DOCK1: variants seen among roughly 807,000 people sequenced by gnomAD.
DOCK1 encodes the protein dedicator of cytokinesis 1.
A neutral mutation model predicts 262.7 loss-of-function variants in DOCK1; 138 were observed. That is an observed-to-expected ratio of 0.53 (90% CI 0.46 to 0.61). The LOEUF is 0.61. Ranked by LOEUF, DOCK1 falls within the 20% of genes least tolerant of loss-of-function variation. The pLI is 0.00. For synonymous variants in DOCK1, 866 were observed against 867.4 expected (o/e 1.00, Z 0.03); for missense variants, 1,908 against 2,370.7 (o/e 0.80, Z 4.05).
intron 32 of DOCK1, among the ~76,000 whole-genome samples, chr10:127,356,755 T>C (rs1326866488): frequency 2.6e-5 from 4 of 152,128 alleles, no homozygotes; most frequent in Admixed American, 6.5e-5. Context: ...CCTGCCACAG[T>C]TGGGCTCTCA....
At position 127,374,220 on chromosome 10, in the gene DOCK1, T is replaced by A; in HGVS notation, c.3675+6T>A. 1 of 1,602,422 alleles carries A rather than the reference T, an allele frequency of 6.2e-7. No homozygotes were observed. The highest frequency in any genetic ancestry group is 8.5e-7 in the Non-Finnish European group (1 of 1,175,012). ...GCTGCACCGTCAATGTGCTGGTGAGTGAAAGCTTAATCACGTTTTTTCAGT... is the reference window on the plus strand; with the variant it reads ...GCTGCACCGTCAATGTGCTGGTGAGAGAAAGCTTAATCACGTTTTTTCAGT... On this transcript the variant is annotated splice_donor_region_variant and intron_variant, in intron 35 of 51. Transcript: ENST00000623213.
At chr10:127,286,781 A>G (rs2061168545) in intron 29 of DOCK1, among the ~76,000 whole-genome samples, 1 of 152,142 alleles carries the variant, frequency 6.6e-6, no homozygotes, top group Non-Finnish European at 1.5e-5. Context: ...CCAACTTAGT[A>G]TCTAAACAAG....
At chr10:127,421,917 G>A (rs2068534128) in intron 46 of DOCK1, among the ~76,000 whole-genome samples, 1 of 152,166 alleles carries the variant, frequency 6.6e-6, no homozygotes, top group African/African-American at 2.4e-5. Context: ...TGGCTGGTGT[G>A]AACAATGCTG....
chr10:126,906,283 C>A (rs2030802093), intron 1 of DOCK1, among the ~76,000 whole-genome samples: 1 of 152,170 alleles, frequency 6.6e-6, no homozygotes, highest in Non-Finnish European at 1.5e-5. Flanking sequence ...GTTTACATTT[C>A]GGACCCGAGT....
At chr10:127,000,104 TC>T (rs1462001017) in intron 9 of DOCK1, 67 bp from the exon 10 acceptor site, 11 of 1,571,292 alleles carry the variant, frequency 7.0e-6, no homozygotes, top group Non-Finnish European at 8.7e-6. Flanking sequence ...TTTTTTACTG[TC>T]CTTTTCATTG....
In DOCK1 at chr10:127,373,549, G is replaced by A. The variant is rs577577838; in HGVS notation, c.3433-232G>A. On this transcript the variant is annotated intron_variant, in intron 33 of 51. Transcript: ENST00000623213. ...TGGTTCTTGCTCCTGCTATCAGGAC[G>A]TGCAGGTTCAGGCTCCATTAACCAG... Among the ~76,000 whole-genome samples, 15 of 151,916 alleles carry A rather than the reference G, an allele frequency of 9.9e-5. No homozygotes were observed. In the East Asian group the frequency reaches 1.2e-3, roughly 12 times the overall value.
At chr10:127,286,616 C>T (rs992636452) in intron 29 of DOCK1, among the ~76,000 whole-genome samples, 12 of 152,136 alleles carry the variant, frequency 7.9e-5, no homozygotes, top group African/African-American at 2.9e-4. Context: ...TCTTTCTCAC[C>T]ATTATGTTGA....
chr10:127,429,949 C>A (rs573293652), intron 47 of DOCK1, among the ~76,000 whole-genome samples: 112 of 152,336 alleles, frequency 7.4e-4, no homozygotes, highest in African/African-American at 2.5e-3. Context: ...TCTTCAAGTC[C>A]GATTAGGAGC....
intron 29 of DOCK1, among the ~76,000 whole-genome samples, chr10:127,331,616 T>G (rs1386597731): frequency 6.6e-6 from 1 of 152,182 alleles, no homozygotes; most frequent in Non-Finnish European, 1.5e-5. Flanking sequence ...TGGGGTCCCT[T>G]TGGCCAAGAA....
chr10:126,915,320 T>A (rs2032334005), intron 1 of DOCK1, among the ~76,000 whole-genome samples: 1 of 152,118 alleles, frequency 6.6e-6, no homozygotes, highest in Admixed American at 6.6e-5. Context: ...GCCTTTTTCC[T>A]TGGGGTGTAT....
At chr10:127,147,572 A>G (rs2052011900) in intron 27 of DOCK1, among the ~76,000 whole-genome samples, 1 of 152,068 alleles carries the variant, frequency 6.6e-6, no homozygotes, top group Non-Finnish European at 1.5e-5. Context: ...GGTAAGGGGC[A>G]TGCATGGAGG....
chr10:127,140,105 T>C (rs1024556231), intron 27 of DOCK1, among the ~76,000 whole-genome samples: 5 of 152,036 alleles, frequency 3.3e-5, no homozygotes, highest in African/African-American at 1.2e-4. Flanking sequence ...CCCAGATTGG[T>C]TTTGGGTTAT....
chr10:127,263,734 G>C (rs891918065), intron 29 of DOCK1, among the ~76,000 whole-genome samples: 4 of 152,094 alleles, frequency 2.6e-5, no homozygotes, highest in Non-Finnish European at 4.4e-5. Flanking sequence ...TCGGATTCAC[G>C]CTTTGTGTGT....
At chr10:127,414,122 G>A (rs2068020957) in intron 43 of DOCK1, among the ~76,000 whole-genome samples, 1 of 152,108 alleles carries the variant, frequency 6.6e-6, no homozygotes, top group Admixed American at 6.5e-5. Context: ...ACGTTGCCCG[G>A]CCTGGTCTCG....
chr10:127,366,090 C>T (rs2064890469), intron 33 of DOCK1, among the ~76,000 whole-genome samples: 1 of 152,154 alleles, frequency 6.6e-6, no homozygotes, highest in South Asian at 2.1e-4. Flanking sequence ...GATTCACCCA[C>T]AAGAAGGACC....
chr10:127,003,904 A>T (rs1174290061), intron 10 of DOCK1, among the ~76,000 whole-genome samples: 1 of 151,998 alleles, frequency 6.6e-6, no homozygotes, highest in Non-Finnish European at 1.5e-5. Flanking sequence ...CAGTGAGCTA[A>T]GATTGTGTCA....
chr10:127,447,435 G>A lies in DOCK1; in HGVS notation c.5455G>A (p.Val1819Ile). The A allele has an allele frequency of 6.2e-7, 1 of 1,613,440 alleles. No homozygotes were observed. Among genetic ancestry groups the A allele is most frequent in the South Asian group, 1.1e-5 (1 of 90,900 alleles). Residue 1819 changes from valine to isoleucine, a missense_variant, in exon 51 of 52, where the codon GTC becomes ATC. Coordinates refer to ENST00000623213, the MANE Select transcript of DOCK1 (RefSeq NM_001290223.2). Reference protein sequence around the residue: ...NGMTGADVADVPPPLPLKGSV... With the variant: ...NGMTGADVADIPPPLPLKGSV... ...CATGACGGGGGCGGACGTGGCCGATGTCCCACCCCCTCTGCCTCTCAAAGG... is the reference window on the plus strand; with the variant it reads ...CATGACGGGGGCGGACGTGGCCGATATCCCACCCCCTCTGCCTCTCAAAGG...
intron 29 of DOCK1, among the ~76,000 whole-genome samples, chr10:127,270,209 G>C (rs1168159707): frequency 6.6e-6 from 1 of 152,184 alleles, no homozygotes. Flanking sequence ...GGCAAGAAAA[G>C]CTAAGCAGGG....
chr10:127,394,682 AT>A (rs2066712615), intron 38 of DOCK1, among the ~76,000 whole-genome samples: 2 of 152,324 alleles, frequency 1.3e-5, no homozygotes, highest in Middle Eastern at 3.4e-3. Flanking sequence ...GTAATTGATC[AT>A]CAAAGCATGA....
Sources: allele counts gnomAD v4.1 joint callset (sites outside exome capture counted in the v4.1 genomes callset), GRCh38; gene constraint gnomAD v4.1.1; transcripts MANE v1.5; gene names NCBI Gene and HGNC (gene_info 2026-07-23, HGNC 2026-07-21).